Variants in CYP46A1 observed in about 807,000 individuals in gnomAD.
CYP46A1 encodes cytochrome P450 family 46 subfamily A member 1, also known as cholesterol 24-hydroxylase.
Under a neutral mutation model 63.3 loss-of-function variants are expected in CYP46A1, and 20 were observed. That is an observed-to-expected ratio of 0.32 (90% confidence interval 0.22 to 0.46). The LOEUF (loss-of-function observed/expected upper bound fraction) is 0.46, where lower values mean the gene tolerates loss of function less well. Among genes scored for constraint, CYP46A1 ranks in the 20% least tolerant of loss-of-function variants. CYP46A1 has a pLI of 1.00. For missense variants in CYP46A1, 445 were observed against 670.8 expected (o/e 0.66, Z 3.72); for synonymous variants, 268 against 273.6 (o/e 0.98, Z 0.20).
chr14:99,685,544 A>G (rs1333848955), intron 1 of CYP46A1, among the ~76,000 whole-genome samples: 1 of 152,014 alleles, frequency 6.6e-6, no homozygotes, highest in Non-Finnish European at 1.5e-5. Flanking sequence ...CCGGGAGGAC[A>G]GGGACACTCT....
chr14:99,691,308 C>CA, intron 2 of CYP46A1, 147 bp downstream of exon 2: 1 of 760,840 alleles, frequency 1.3e-6, no homozygotes, highest in Non-Finnish European at 2.2e-6. Context: ...TGAGTGGAGG[C>CA]AGGTGAGGCT....
intron 5 of CYP46A1, among the ~76,000 whole-genome samples, chr14:99,701,420 G>C (rs2056629394): frequency 6.6e-6 from 1 of 152,156 alleles, no homozygotes; most frequent in Admixed American, 6.5e-5. Context: ...TCTATGTTTA[G>C]ATATACAAAT....
intron 1 of CYP46A1, among the ~76,000 whole-genome samples, chr14:99,685,634 T>A (rs1014016967): frequency 3.3e-5 from 5 of 152,026 alleles, no homozygotes; most frequent in African/African-American, 1.2e-4. Flanking sequence ...TAAACAATTG[T>A]ATTAGACACA....
intron 3 of CYP46A1, among the ~76,000 whole-genome samples, chr14:99,698,818 T>C (rs895623762): frequency 1.3e-5 from 2 of 152,204 alleles, no homozygotes; most frequent in East Asian, 3.9e-4. Flanking sequence ...TGTTGGCTGA[T>C]GTTACTGTTG....
At chr14:99,689,903 C>A (rs139934348) in intron 1 of CYP46A1, among the ~76,000 whole-genome samples, 144 of 152,302 alleles carry the variant, frequency 9.5e-4, no homozygotes, top group Non-Finnish European at 1.5e-3. Context: ...CTCTAGTGGA[C>A]CCCAGCTCAC....
rs1190577688 is a variant in CYP46A1 at position 99,684,626 on chromosome 14, G to A, written c.119+90G>A. ...AAGCCGGCGTCCAGGCCGGGGGTCC[G>A]GCCTCGCCTAGTGCGCGCGGCCGCT... On this transcript the variant is annotated intron_variant, in intron 1 of 14. Coordinates refer to ENST00000261835, the MANE Select transcript of CYP46A1 (RefSeq NM_006668.2). 3.2e-5 allele frequency: 38 copies of A among 1,191,292 alleles called. No individual in the cohort carries two copies. The African/African-American group carries it at 4.1e-4, about 13-fold the overall frequency. The allele number at this position is 1,191,292 out of a possible 1,614,324, so 73.8% of individuals were successfully genotyped here.
intron 3 of CYP46A1, among the ~76,000 whole-genome samples, chr14:99,696,441 CTCTT>C (rs1382968427): frequency 6.6e-6 from 1 of 152,230 alleles, no homozygotes; most frequent in South Asian, 2.1e-4. Flanking sequence ...TTCCTTTTCT[CTCTT>C]TCTTAGTTGT....
At chr14:99,719,378 A>AT (rs55679517) in intron 10 of CYP46A1, among the ~76,000 whole-genome samples, 23,714 of 142,398 alleles carry the variant, frequency 0.17, 2,053 homozygotes, top group Non-Finnish European at 0.18. Flanking sequence ...CACCTGGCTA[A>AT]TTTTTTTTTT....
chr14:99,684,324 C>G lies in CYP46A1; in HGVS notation c.-94C>G. On this transcript the variant is annotated 5_prime_UTR_variant, in exon 1 of 15. Transcript: ENST00000261835. ...GGTCGCGCCTGGCCTGGGGCCGAGG[C>G]GGCGCGCGGCGCTGACAGCTGAGTC... 1 of 681,488 alleles carries G rather than the reference C, an allele frequency of 1.5e-6. No homozygotes were observed. The highest frequency in any genetic ancestry group is 4.6e-5 in the East Asian group (1 of 21,890). The allele number at this position is 681,488 out of a possible 1,614,324, so 42.2% of individuals were successfully genotyped here. A position where few individuals can be genotyped will look rare whatever the true frequency, so the allele number is the denominator to read the frequency against.
Position 99,726,547 on chromosome 14 carries a change from C to G in CYP46A1, c.1333-10C>G. On this transcript the variant is annotated splice_polypyrimidine_tract_variant and intron_variant, in intron 14 of 14. Coordinates refer to ENST00000261835, the MANE Select transcript of CYP46A1 (RefSeq NM_006668.2). ...CTTCATTCCTTCCTCATTTTGCCCG[C>G]TGGGCCCAGATGGAGGTGAAGGTGG... 6.4e-7 allele frequency: 1 copy of G among 1,563,760 alleles called. No individual in the cohort carries two copies. The highest frequency in any genetic ancestry group is 2.3e-5 in the East Asian group (1 of 43,658).
chr14:99,707,726 C>A, intron 7 of CYP46A1, 48 bp downstream of exon 7: 2 of 1,509,236 alleles, frequency 1.3e-6, no homozygotes, highest in Non-Finnish European at 1.8e-6. Context: ...GAGCTGTTGT[C>A]TTCATTTGCT....
intron 12 of CYP46A1, among the ~76,000 whole-genome samples, chr14:99,724,327 C>T (rs1221347301): frequency 6.6e-6 from 1 of 152,186 alleles, no homozygotes; most frequent in Non-Finnish European, 1.5e-5. Context: ...CCCAGCCCCT[C>T]TCCTCCCAGG....
chr14:99,726,731 G>T lies in CYP46A1; in HGVS notation c.*4G>T, dbSNP rs1299820485. The T allele has an allele frequency of 1.3e-6, 2 of 1,517,914 alleles. No individual in the cohort carries two copies. The highest frequency in any genetic ancestry group is 2.1e-5 in the Admixed American group (1 of 46,602). 94.0% of individuals were successfully genotyped at this position (1,517,914 alleles called of 1,614,324 possible). A position where few individuals can be genotyped will look rare whatever the true frequency, so the allele number is the denominator to read the frequency against. On this transcript the variant is annotated 3_prime_UTR_variant, in exon 15 of 15. Coordinates refer to ENST00000261835, the MANE Select transcript of CYP46A1 (RefSeq NM_006668.2). ...ACCCCCACCACCCCCCTGCTGAGGG[G>T]GCCTCCAGGCAGGACGAGACTCCTC... is the stretch of plus-strand genomic sequence containing the variant.
intron 1 of CYP46A1, among the ~76,000 whole-genome samples, chr14:99,688,630 T>A (rs1355766467): frequency 1.3e-5 from 2 of 152,120 alleles, no homozygotes; most frequent in East Asian, 3.9e-4. Context: ...CATTTTTATA[T>A]AATATGTAAG....
intron 1 of CYP46A1, among the ~76,000 whole-genome samples, chr14:99,688,973 G>A (rs560561488): frequency 1.0e-3 from 159 of 152,206 alleles, no homozygotes; most frequent in African/African-American, 3.7e-3. Flanking sequence ...CAGTGCTCCC[G>A]CTCAGTCCAC....
chr14:99,725,466 C>T lies in CYP46A1; in HGVS notation c.1252C>T (p.Pro418Ser). Residue 418 changes from proline to serine, a missense_variant, in exon 13 of 15, where the codon CCT becomes TCT. This residue lies in a region of CYP46A1 where 95 missense variants were observed against 156.9 expected (regional missense o/e 0.61). Coordinates refer to ENST00000261835, the MANE Select transcript of CYP46A1 (RefSeq NM_006668.2). The surrounding 1 kb of genome is among the most constrained non-coding windows in gnomAD (Gnocchi z 4.2). ...PLTFNPDRFGPGAPKPRFTYF... is the reference protein window; with the variant it reads ...PLTFNPDRFGSGAPKPRFTYF... ...GACTTTCAACCCCGATCGCTTCGGCCCTGGAGCACCCAAGTAAGTCCCTCC... is the reference window on the plus strand; with the variant it reads ...GACTTTCAACCCCGATCGCTTCGGCTCTGGAGCACCCAAGTAAGTCCCTCC... 6.2e-7 allele frequency: 1 copy of T among 1,613,864 alleles called. No homozygotes were observed. Among genetic ancestry groups the T allele is most frequent in the Non-Finnish European group, 8.5e-7 (1 of 1,179,756 alleles).
chr14:99,704,560 G>A (rs2056658968), intron 5 of CYP46A1, among the ~76,000 whole-genome samples: 1 of 152,190 alleles, frequency 6.6e-6, no homozygotes, highest in Admixed American at 6.5e-5. Context: ...AGTCCACCAA[G>A]GGAGTCAGGA....
At chr14:99,706,870 C>T (rs1178161944) in intron 6 of CYP46A1, 85 bp downstream of exon 6, 2 of 1,487,774 alleles carry the variant, frequency 1.3e-6, no homozygotes, top group African/African-American at 1.4e-5. Context: ...TTCTCTCTTC[C>T]CCTCCCTCCT....
At position 99,726,679 on chromosome 14, in the gene CYP46A1, C is replaced by A. The variant is rs771415207; in HGVS notation, c.1455C>A (p.Thr485=). ...TLKPLDPVLC[T]LRPRGWQPAP... is the part of the protein sequence containing the mutation. ...AGCCACTGGACCCCGTGCTGTGCAC[C>A]CTGCGGCCCCGCGGCTGGCAGCCCG... Residue 485 remains threonine (T), a synonymous_variant, in exon 15 of 15, where the codon ACC becomes ACA. Transcript: ENST00000261835. 5 of 1,551,200 alleles carry A rather than the reference C, an allele frequency of 3.2e-6. No homozygotes were observed. Among genetic ancestry groups the A allele is most frequent in the Non-Finnish European group, 1.7e-6 (2 of 1,147,724 alleles).
Sources: allele counts gnomAD v4.1 joint callset (sites outside exome capture counted in the v4.1 genomes callset), GRCh38; gene constraint gnomAD v4.1.1; regional missense constraint gnomAD v4.1.1; non-coding constraint Gnocchi (gnomAD v3.1); transcripts MANE v1.5; gene names NCBI Gene and HGNC (gene_info 2026-07-23, HGNC 2026-07-21).